STAG1: variants seen among roughly 807,000 people sequenced by gnomAD.
STAG1 encodes STAG1 cohesin complex component.
Under a neutral mutation model 170.9 loss-of-function variants are expected in STAG1, and 26 were observed. The ratio of observed to expected loss-of-function variants is 0.15; its 90% confidence interval spans 0.11 to 0.21. The LOEUF (loss-of-function observed/expected upper bound fraction) is 0.21, where lower values mean the gene tolerates loss of function less well. Among genes scored for constraint, STAG1 ranks in the 10% least tolerant of loss-of-function variants. STAG1 has a pLI of 1.00. For missense variants in STAG1, 964 were observed against 1,509.5 expected (o/e 0.64, Z 5.99); for synonymous variants, 514 against 497.7 (o/e 1.03, Z -0.44).
chr3:136,583,109 T>C (rs920421448), intron 4 of STAG1, among the ~76,000 whole-genome samples: 3 of 152,294 alleles, frequency 2.0e-5, no homozygotes, highest in East Asian at 1.9e-4. Context: ...TGATTAACCT[T>C]AGCATCTTAT....
chr3:136,614,299 A>G (rs1472873993), intron 3 of STAG1, among the ~76,000 whole-genome samples: 1 of 152,236 alleles, frequency 6.6e-6, no homozygotes, highest in African/African-American at 2.4e-5. Flanking sequence ...GTCAATTGGT[A>G]GTGATGAAGG....
chr3:136,425,645 G>A (rs1034303274), intron 16 of STAG1, among the ~76,000 whole-genome samples: 2 of 151,202 alleles, frequency 1.3e-5, no homozygotes, highest in Non-Finnish European at 2.9e-5. Context: ...GCTAAATTTA[G>A]GTCAAATACC....
At chr3:136,610,271 G>C (rs1939205014) in intron 3 of STAG1, among the ~76,000 whole-genome samples, 1 of 152,086 alleles carries the variant, frequency 6.6e-6, no homozygotes, top group African/African-American at 2.4e-5. Context: ...TCCTGACCTT[G>C]TGATCCACCC....
At chr3:136,624,785 A>AATGACCAAAGTGGC (rs1286251060) in intron 2 of STAG1, among the ~76,000 whole-genome samples, 1 of 152,234 alleles carries the variant, frequency 6.6e-6, no homozygotes, top group Non-Finnish European at 1.5e-5. Context: ...GCCAATTTCA[A>AATGACCAAAGTGGC]ATGACCAAAG....
intron 3 of STAG1, among the ~76,000 whole-genome samples, chr3:136,612,433 C>G (rs138722999): frequency 6.6e-6 from 1 of 151,642 alleles, no homozygotes; most frequent in Non-Finnish European, 1.5e-5. Flanking sequence ...AAGCAAGACT[C>G]CTTCTCTACA....
At chr3:136,653,110 T>C (rs755598321) in intron 1 of STAG1, among the ~76,000 whole-genome samples, 1 of 151,996 alleles carries the variant, frequency 6.6e-6, no homozygotes, top group Non-Finnish European at 1.5e-5. Flanking sequence ...CTGTCTCTAC[T>C]AAAAATACAA....
intron 6 of STAG1, among the ~76,000 whole-genome samples, chr3:136,538,633 G>A (rs1935755149): frequency 6.6e-6 from 1 of 152,052 alleles, no homozygotes; most frequent in Non-Finnish European, 1.5e-5. Flanking sequence ...TGGCCTGGCT[G>A]TTCTGTGAAC....
At chr3:136,677,299 A>AT (rs1438639739) in intron 1 of STAG1, among the ~76,000 whole-genome samples, 1 of 152,160 alleles carries the variant, frequency 6.6e-6, no homozygotes, top group Non-Finnish European at 1.5e-5. Context: ...GTTCTATGAC[A>AT]TTAGGAAGGT....
intron 15 of STAG1, among the ~76,000 whole-genome samples, chr3:136,436,148 G>T (rs192434980): frequency 1.3e-5 from 2 of 152,146 alleles, no homozygotes; most frequent in East Asian, 3.9e-4. Context: ...GAGAGTCGGG[G>T]TTTCACCATG....
chr3:136,438,471 C>T (rs145734866), intron 15 of STAG1, among the ~76,000 whole-genome samples: 10 of 152,132 alleles, frequency 6.6e-5, no homozygotes, highest in Non-Finnish European at 1.5e-4. Flanking sequence ...GTGATCCGCC[C>T]GCCTTGGCTC....
chr3:136,415,711 A>C (rs1201948975), intron 21 of STAG1, among the ~76,000 whole-genome samples: 1 of 152,120 alleles, frequency 6.6e-6, no homozygotes, highest in Non-Finnish European at 1.5e-5. Context: ...TGACGCAGCT[A>C]CTCAGGCGGC....
chr3:136,346,313 T>G (rs1560047529), intron 29 of STAG1, among the ~76,000 whole-genome samples: 1 of 152,220 alleles, frequency 6.6e-6, no homozygotes, highest in Non-Finnish European at 1.5e-5. Context: ...CAGGGAGAAC[T>G]CTCATCTTAA....
chr3:136,720,639 A>C (rs535946031), intron 1 of STAG1, among the ~76,000 whole-genome samples: 1 of 152,188 alleles, frequency 6.6e-6, no homozygotes, highest in South Asian at 2.1e-4. Context: ...AAAATACAAA[A>C]ATTAGCTGGG....
At chr3:136,365,300 G>C (rs538859137) in intron 25 of STAG1, among the ~76,000 whole-genome samples, 1 of 152,300 alleles carries the variant, frequency 6.6e-6, no homozygotes, top group African/African-American at 2.4e-5. Flanking sequence ...TCCAGGTTTA[G>C]TGAAGAGATA....
intron 14 of STAG1, among the ~76,000 whole-genome samples, chr3:136,446,425 T>A (rs574416621): frequency 1.0e-3 from 159 of 152,170 alleles, no homozygotes; most frequent in African/African-American, 3.4e-3. Context: ...TGTTTTTTTT[T>A]AAATTATTTT....
At chr3:136,580,349 C>T (rs1576629315) in intron 4 of STAG1, among the ~76,000 whole-genome samples, 1 of 151,512 alleles carries the variant, frequency 6.6e-6, no homozygotes, top group Admixed American at 6.6e-5. Context: ...TCAATAAATA[C>T]TAGGTAAATA....
chr3:136,424,492 G>C (rs1408582324), intron 16 of STAG1, among the ~76,000 whole-genome samples: 1 of 151,856 alleles, frequency 6.6e-6, no homozygotes, highest in African/African-American at 2.4e-5. Flanking sequence ...GTACCACTAA[G>C]TCGGGCTAAG....
chr3:136,748,519 C>T (rs1388707970), intron 1 of STAG1, among the ~76,000 whole-genome samples: 2 of 152,084 alleles, frequency 1.3e-5, no homozygotes, highest in Non-Finnish European at 2.9e-5. Context: ...GCCTCGGCCT[C>T]CTGAGTAGTA....
intron 2 of STAG1, among the ~76,000 whole-genome samples, chr3:136,630,314 G>A (rs183128457): frequency 3.3e-4 from 50 of 151,018 alleles, no homozygotes; most frequent in Middle Eastern, 3.4e-3. Context: ...TCTGGTAGCC[G>A]GAACACCTCA....
Sources: gnomAD v4.1 joint callset for allele counts (sites outside exome capture counted in the v4.1 genomes callset) on GRCh38, gnomAD v4.1.1 for gene constraint, MANE v1.5 for transcripts, NCBI Gene and HGNC (gene_info 2026-07-23, HGNC 2026-07-21) for gene names.